STAT5A: variants seen among roughly 807,000 people sequenced by gnomAD.
STAT5A encodes epididymis secretory sperm binding protein.
Under a neutral mutation model 100.2 loss-of-function variants are expected in STAT5A, and 26 were observed. The ratio of observed to expected loss-of-function variants is 0.26; its 90% CI spans 0.19 to 0.36. The LOEUF (loss-of-function observed/expected upper bound fraction) is 0.36. Among genes scored for constraint, STAT5A ranks in the 10% least tolerant of loss-of-function variants. The probability of loss-of-function intolerance (pLI) is 1.00; values close to 1 mark genes in which losing one functional copy is unlikely to be tolerated. For synonymous variants in STAT5A, 330 were observed against 424.3 expected (o/e 0.78, Z 2.73); for missense variants, 634 against 1,027.5 (o/e 0.62, Z 5.24).
Position 42,304,129 on chromosome 17 carries a change from A to T in STAT5A, c.1170-213A>T. The stretch of plus-strand genomic sequence containing the variant: ...GAGGAATTTCTAATGATAGATCCAG[A>T]CCTCACCACTGGAGACCTTGCCTTG... On this transcript the variant is annotated intron_variant, in intron 9 of 18. Coordinates refer to ENST00000590949, the MANE Select transcript of STAT5A (RefSeq NM_001288718.2). The surrounding 1 kb of genome is among the most constrained non-coding windows in gnomAD (Gnocchi z 4.8). The T allele has an allele frequency of 1.7e-6, 1 of 583,116 alleles. No homozygotes were observed. Among genetic ancestry groups the T allele is most frequent in the Non-Finnish European group, 3.1e-6 (1 of 326,376 alleles). The allele number at this position is 583,116 out of a possible 1,614,324, so 36.1% of individuals were successfully genotyped here.
intron 5 of STAT5A, among the ~76,000 whole-genome samples, chr17:42,298,030 G>C (rs534734123): frequency 6.6e-6 from 1 of 151,660 alleles, no homozygotes; most frequent in African/African-American, 2.4e-5. Context: ...GGTGGAGACG[G>C]GCTGTCGCTG....
chr17:42,295,997 A>T (rs2080914865), intron 5 of STAT5A, among the ~76,000 whole-genome samples: 1 of 152,216 alleles, frequency 6.6e-6, no homozygotes, highest in Non-Finnish European at 1.5e-5. Flanking sequence ...CAACAAGCCT[A>T]TGAAGTGAAC....
In STAT5A at chr17:42,300,132, G is replaced by A. The variant is rs2080961994; in HGVS notation, c.684G>A (p.Glu228=). The A allele has an allele frequency of 1.4e-6, 2 of 1,420,840 alleles. No homozygotes were observed. The highest frequency in any genetic ancestry group is 2.1e-5 in the Admixed American group (1 of 47,684). The allele number at this position is 1,420,840 out of a possible 1,614,324, so 88.0% of individuals were successfully genotyped here. A position where few individuals can be genotyped will look rare whatever the true frequency, so the allele number is the denominator to read the frequency against. Residue 228 remains glutamate, a splice_region_variant and synonymous_variant, in exon 7 of 19, where the codon GAG becomes GAA. Transcript: ENST00000590949. ...GCTGCTCTCCTCCCTTCCCTCAGGA[G>A]CTGGCCGAGAAGCACCAGAAGACCC... ...EAQTLQQYRV[E]LAEKHQKTLQ... is the part of the protein sequence containing the mutation.
intron 18 of STAT5A, 62 bp downstream of exon 18, chr17:42,309,546 T>C: frequency 6.5e-7 from 1 of 1,545,922 alleles, no homozygotes. Flanking sequence ...CAGGCTGGAC[T>C]CCTGGAGGGC....
At chr17:42,307,962 T>C (rs1598367345) in intron 15 of STAT5A, among the ~76,000 whole-genome samples, 2 of 152,166 alleles carry the variant, frequency 1.3e-5, no homozygotes, top group Admixed American at 1.3e-4. Flanking sequence ...AGTTTCACGC[T>C]CTCCCCTCTC....
At chr17:42,301,242 C>G (rs374555358) in intron 8 of STAT5A, 33 bp from the exon 9 acceptor site, 2 of 1,605,952 alleles carry the variant, frequency 1.2e-6, no homozygotes, top group Non-Finnish European at 1.7e-6. Flanking sequence ...GCGCCAACCC[C>G]TCATCGTGTG....
intron 9 of STAT5A, among the ~76,000 whole-genome samples, chr17:42,303,023 G>A (rs1478352077): frequency 4.1e-5 from 6 of 147,970 alleles, no homozygotes; most frequent in East Asian, 2.1e-4. Flanking sequence ...CCAAGCGGGC[G>A]GATCATGAGG....
At chr17:42,307,283 G>C in intron 13 of STAT5A, 119 bp from the exon 14 acceptor site, 1 of 950,506 alleles carries the variant, frequency 1.1e-6, no homozygotes, top group East Asian at 2.6e-5. Flanking sequence ...CTGGAGTGTG[G>C]TGGCAAGCAG....
At position 42,310,993 on chromosome 17, in the gene STAT5A, G is replaced by C; in HGVS notation, c.*324G>C. 1 of 332,954 alleles carries C rather than the reference G, an allele frequency of 3.0e-6. No individual in the cohort carries two copies. The highest frequency in any genetic ancestry group is 4.0e-5 in the South Asian group (1 of 24,850). 20.6% of individuals were successfully genotyped at this position (332,954 alleles called of 1,614,324 possible). The stretch of plus-strand genomic sequence containing the variant: ...TCCTCCTGGGCCCCTCATCTGCTCA[G>C]CAGCTATTTGAATGAGATGATTCAG... On this transcript the variant is annotated 3_prime_UTR_variant, in exon 19 of 19. Transcript: ENST00000590949.
At position 42,306,296 on chromosome 17, in the gene STAT5A, C is replaced by T. The variant is rs775536794; in HGVS notation, c.1529C>T (p.Ala510Val). The T allele has an allele frequency of 7.7e-5, 124 of 1,613,902 alleles. No homozygotes were observed. The highest frequency in any genetic ancestry group is 4.0e-4 in the Admixed American group (24 of 59,990). ...DKVLWPQLCE[A>V]LNMKFKAEVQ... ...GTGCTGTGGCCGCAGCTGTGTGAGG[C>T]GCTCAACATGAAATTCAAGGCCGAA... The change falls in exon 13 of 19, where the codon GCG (alanine) becomes GTG (valine). Residue 510 changes from alanine (A) to valine (V), a missense_variant. Ala to Val is a moderately conservative substitution (Grantham distance 64). Coordinates refer to ENST00000590949, the MANE Select transcript of STAT5A (RefSeq NM_001288718.2).
intron 4 of STAT5A, among the ~76,000 whole-genome samples, chr17:42,293,519 T>G (rs1000818631): frequency 6.6e-6 from 1 of 152,264 alleles, no homozygotes; most frequent in Admixed American, 6.5e-5. Context: ...ACGTATTTAT[T>G]GTTGTGGACA....
At chr17:42,294,708 A>G (rs895567227) in intron 4 of STAT5A, among the ~76,000 whole-genome samples, 1 of 152,234 alleles carries the variant, frequency 6.6e-6, no homozygotes, top group Non-Finnish European at 1.5e-5. Context: ...TGTGTGTTCA[A>G]GGAACAGAAA....
chr17:42,302,554 G>A (rs1447581844), intron 9 of STAT5A, among the ~76,000 whole-genome samples: 1 of 152,192 alleles, frequency 6.6e-6, no homozygotes, highest in Non-Finnish European at 1.5e-5. Context: ...GTCAGGGCAG[G>A]CCACCCACAG....
chr17:42,295,268 A>C (rs1421196232), intron 4 of STAT5A, among the ~76,000 whole-genome samples: 2 of 152,200 alleles, frequency 1.3e-5, no homozygotes, highest in Admixed American at 6.5e-5. Flanking sequence ...GGGAAAACCC[A>C]GGTGACACCT....
At chr17:42,302,235 CTG>C (rs1193006105) in intron 9 of STAT5A, among the ~76,000 whole-genome samples, 1 of 152,212 alleles carries the variant, frequency 6.6e-6, no homozygotes, top group African/African-American at 2.4e-5. Context: ...GAGGACAAAA[CTG>C]TGATCCCAAC....
intron 5 of STAT5A, among the ~76,000 whole-genome samples, chr17:42,297,099 T>G (rs1034129290): frequency 6.8e-6 from 1 of 148,014 alleles, no homozygotes; most frequent in Non-Finnish European, 1.5e-5. Flanking sequence ...CCTGGCTAAT[T>G]TTTTTTTTTT....
At chr17:42,302,985 C>G (rs2080995583) in intron 9 of STAT5A, among the ~76,000 whole-genome samples, 1 of 150,914 alleles carries the variant, frequency 6.6e-6, no homozygotes. Context: ...CAGTGGCTCA[C>G]GCCTGTAATT....
intron 4 of STAT5A, among the ~76,000 whole-genome samples, chr17:42,294,550 T>C (rs185796297): frequency 6.6e-6 from 1 of 152,318 alleles, no homozygotes; most frequent in East Asian, 1.9e-4. Flanking sequence ...CAACACACTT[T>C]TAGATAGGAC....
chr17:42,305,988 G>C (rs1038832975), intron 12 of STAT5A: 1 of 673,232 alleles, frequency 1.5e-6, no homozygotes, highest in Non-Finnish European at 2.5e-6. Flanking sequence ...CTTGCTCTCT[G>C]TTTTCTGTTT....
Sources: allele counts gnomAD v4.1 joint callset (sites outside exome capture counted in the v4.1 genomes callset), GRCh38; gene constraint gnomAD v4.1.1; non-coding constraint Gnocchi (gnomAD v3.1); transcripts MANE v1.5; gene names NCBI Gene and HGNC (gene_info 2026-07-23, HGNC 2026-07-21).